SOX5: variants seen among roughly 807,000 people sequenced by gnomAD.
SOX5 encodes the protein transcription factor SOX-5.
Under a neutral mutation model 92.0 loss-of-function variants are expected in SOX5, and 9 were observed. The ratio of observed to expected loss-of-function variants is 0.10; its 90% CI spans 0.06 to 0.17. The LOEUF (loss-of-function observed/expected upper bound fraction) is 0.17. SOX5 is among the 10% of genes least tolerant of loss of function. The pLI, the probability that SOX5 is intolerant of heterozygous loss-of-function variation, is 1.00. For synonymous variants in SOX5, 344 were observed against 336.3 expected (o/e 1.02, Z -0.25); for missense variants, 642 against 944.5 (o/e 0.68, Z 4.20).
At chr12:24,301,201 T>A (rs1239924936) in intron 2 of SOX5, among the ~76,000 whole-genome samples, 1 of 152,182 alleles carries the variant, frequency 6.6e-6, no homozygotes, top group African/African-American at 2.4e-5. Flanking sequence ...CTAATGCCAA[T>A]AGTAGTTATT....
chr12:23,733,288 C>T (rs1264394937), intron 6 of SOX5, among the ~76,000 whole-genome samples: 1 of 152,090 alleles, frequency 6.6e-6, no homozygotes, highest in African/African-American at 2.4e-5. Context: ...TAAGAAAGTG[C>T]CATAACAATA....
intron 3 of SOX5, among the ~76,000 whole-genome samples, chr12:23,782,280 A>G (rs190276398): frequency 6.6e-6 from 1 of 152,278 alleles, no homozygotes; most frequent in East Asian, 1.9e-4. Context: ...ACATGTGGAC[A>G]ATGAGAATAC....
At chr12:23,773,681 A>AT (rs2095009545) in intron 3 of SOX5, among the ~76,000 whole-genome samples, 2 of 152,068 alleles carry the variant, frequency 1.3e-5, no homozygotes, top group African/African-American at 2.4e-5. Context: ...CTACCAGGGC[A>AT]TTTTTTAAGT....
chr12:23,764,221 A>G (rs1253179354), intron 3 of SOX5, among the ~76,000 whole-genome samples: 1 of 152,100 alleles, frequency 6.6e-6, no homozygotes, highest in South Asian at 2.1e-4. Context: ...GATTTTCATG[A>G]CTATTTTTGT....
At chr12:23,699,642 T>A (rs1400352536) in intron 6 of SOX5, among the ~76,000 whole-genome samples, 1 of 152,156 alleles carries the variant, frequency 6.6e-6, no homozygotes, top group Non-Finnish European at 1.5e-5. Context: ...AGTATTTATG[T>A]GTACTCTTAT....
At chr12:23,545,571 C>T (rs536733221) in intron 12 of SOX5, among the ~76,000 whole-genome samples, 90 of 152,044 alleles carry the variant, frequency 5.9e-4, no homozygotes, top group Non-Finnish European at 8.8e-4. Context: ...AGAGTGGGCC[C>T]GACACTTGAC....
intron 2 of SOX5, among the ~76,000 whole-genome samples, chr12:24,317,337 C>A (rs1949790693): frequency 6.6e-6 from 1 of 152,112 alleles, no homozygotes; most frequent in Non-Finnish European, 1.5e-5. Flanking sequence ...CTGTGTAAAG[C>A]AAATTTGAAC....
At chr12:23,935,171 C>T (rs1942274077) in intron 1 of SOX5, among the ~76,000 whole-genome samples, 1 of 151,202 alleles carries the variant, frequency 6.6e-6, no homozygotes, top group African/African-American at 2.4e-5. Context: ...CATAAAGCTG[C>T]AATCATATTA....
At chr12:24,358,332 GC>G (rs1320395592) in intron 2 of SOX5, among the ~76,000 whole-genome samples, 7 of 152,246 alleles carry the variant, frequency 4.6e-5, no homozygotes, top group African/African-American at 1.4e-4. Context: ...CCAATAAGAA[GC>G]CTTCTTTGCA....
At chr12:24,528,800 C>T (rs1224950902) in intron 1 of SOX5, among the ~76,000 whole-genome samples, 2 of 152,310 alleles carry the variant, frequency 1.3e-5, no homozygotes, top group African/African-American at 4.8e-5. Context: ...TTCTAAAATT[C>T]TGTTTCCATC....
intron 4 of SOX5, among the ~76,000 whole-genome samples, chr12:24,144,021 CAA>C (rs1480524727): frequency 6.6e-6 from 1 of 151,204 alleles, no homozygotes; most frequent in African/African-American, 2.4e-5. Flanking sequence ...AAAATTATAG[CAA>C]GTCACCTCAA....
chr12:23,731,136 AT>A (rs2093376717), intron 6 of SOX5, among the ~76,000 whole-genome samples: 1 of 152,178 alleles, frequency 6.6e-6, no homozygotes, highest in Admixed American at 6.5e-5. Flanking sequence ...CAGGCCCCTC[AT>A]CTTTGTACTC....
chr12:24,438,333 T>A (rs968716437), intron 1 of SOX5, among the ~76,000 whole-genome samples: 2 of 152,126 alleles, frequency 1.3e-5, no homozygotes, highest in Admixed American at 1.3e-4. Flanking sequence ...CTATTGTAGA[T>A]GATGGGTTGA....
rs558942783 is a variant in SOX5, at chr12:23,681,074, C to T, written c.811-15510G>A. Among the ~76,000 whole-genome samples, 3 of 151,998 alleles carry T rather than the reference C, an allele frequency of 2.0e-5. No individual in the cohort carries two copies. In the East Asian group the frequency reaches 5.8e-4, roughly 29 times the overall value. On this transcript the variant is annotated intron_variant, in intron 6 of 14. Coordinates refer to ENST00000451604, the MANE Select transcript of SOX5 (RefSeq NM_006940.6). ...TAAATACAAATATACTTTGTATTAGCTAGTGTCTAATATTTGAAGAAAAAA... is the reference window on the plus strand; with the variant it reads ...TAAATACAAATATACTTTGTATTAGTTAGTGTCTAATATTTGAAGAAAAAA...
At chr12:23,648,370 A>G (rs755651477) in intron 7 of SOX5, among the ~76,000 whole-genome samples, 2 of 152,182 alleles carry the variant, frequency 1.3e-5, no homozygotes, top group African/African-American at 4.8e-5. Flanking sequence ...TAAGCTAAAT[A>G]CTTTTTATAT....
intron 4 of SOX5, among the ~76,000 whole-genome samples, chr12:24,053,649 T>C (rs1957815625): frequency 6.6e-6 from 1 of 152,190 alleles, no homozygotes; most frequent in Non-Finnish European, 1.5e-5. Context: ...TACTCAATTT[T>C]CCCAAAGTCA....
chr12:24,011,990 C>T (rs958935781), intron 4 of SOX5, among the ~76,000 whole-genome samples: 1 of 152,084 alleles, frequency 6.6e-6, no homozygotes, highest in African/African-American at 2.4e-5. Flanking sequence ...GAACATTTTT[C>T]CCAGGACTTC....
chr12:23,959,217 A>G (rs914866147), intron 4 of SOX5, among the ~76,000 whole-genome samples: 5 of 151,936 alleles, frequency 3.3e-5, no homozygotes, highest in Non-Finnish European at 7.4e-5. Flanking sequence ...AAATTTTGCA[A>G]AAGAAAAAGA....
intron 1 of SOX5, among the ~76,000 whole-genome samples, chr12:24,503,513 C>T (rs1566327748): frequency 6.6e-6 from 1 of 152,170 alleles, no homozygotes; most frequent in African/African-American, 2.4e-5. Context: ...CAACTATAAA[C>T]ACACATGCAC....
Sources: allele counts gnomAD v4.1 joint callset (sites outside exome capture counted in the v4.1 genomes callset), GRCh38; gene constraint gnomAD v4.1.1; transcripts MANE v1.5; gene names NCBI Gene and HGNC (gene_info 2026-07-23, HGNC 2026-07-21).